Variants in CDK5RAP3 observed in about 807,000 individuals in gnomAD.
CDK5RAP3 encodes CDK5 regulatory subunit-associated protein 3.
Under a neutral mutation model 73.3 loss-of-function variants are expected in CDK5RAP3, and 58 were observed. The observed-to-expected ratio is 0.79, with a 90% CI of 0.64 to 0.98. CDK5RAP3 has a LOEUF of 0.98. CDK5RAP3 is among the 50% of genes least tolerant of loss of function. CDK5RAP3 has a pLI of 0.00. For missense variants in CDK5RAP3, 525 were observed against 615.8 expected, an observed-to-expected ratio of 0.85 and a Z score of 1.56; for synonymous variants, 224 against 247.5, an observed-to-expected ratio of 0.91 and a Z score of 0.89.
At chr17:47,975,794 A>G in intron 7 of CDK5RAP3, 75 bp from the exon 8 acceptor site, 1 of 1,603,612 alleles carries the variant, frequency 6.2e-7, no homozygotes, top group Non-Finnish European at 8.5e-7. Flanking sequence ...CCATTTGACC[A>G]TGTGGCCCAG....
chr17:47,971,781 CCAA>C (rs1249949699), intron 2 of CDK5RAP3, among the ~76,000 whole-genome samples: 7 of 151,944 alleles, frequency 4.6e-5, no homozygotes, highest in Non-Finnish European at 5.9e-5. Context: ...ACCAGCCTGA[CCAA>C]CATGGAGAAA....
Position 47,975,254 on chromosome 17 carries a change from A to T in CDK5RAP3, c.430A>T (p.Ser144Cys). 1 of 1,614,174 alleles carries T rather than the reference A, an allele frequency of 6.2e-7. No homozygotes were observed. The highest frequency in any genetic ancestry group is 8.5e-7 in the Non-Finnish European group (1 of 1,180,016). Residue 144 changes from serine (S) to cysteine (C), a missense_variant, in exon 6 of 14, where the codon AGC becomes TGC. Physicochemically the swap from Ser to Cys is moderately radical, Grantham distance 112. Around this residue, in one of 2 missense-constraint regions of CDK5RAP3, gnomAD observed 409 missense variants for 429.8 expected, o/e 0.95. Transcript: ENST00000338399. ...GTGCCAGCAGCTGCAGCAAGAATAC[A>T]GCCGCAAGGAGGAGGAGTGCCAGGC... ...AKCQQLQQEY[S>C]RKEEECQAGA...
upstream of CDK5RAP3, among the ~76,000 whole-genome samples, chr17:47,969,458 G>C (rs548485312): frequency 2.1e-4 from 32 of 150,536 alleles, no homozygotes; most frequent in East Asian, 6.3e-3. Context: ...TGGGGAGGCT[G>C]AGGCAGGAGA....
At position 47,981,763 on chromosome 17, in the gene CDK5RAP3, A is replaced by C. The variant is rs1397541757; in HGVS notation, c.*261A>C. 7.5e-6 allele frequency: 11 copies of C among 1,468,912 alleles called. No individual in the cohort carries two copies. The highest frequency in any genetic ancestry group is 1.4e-5 in the African/African-American group (1 of 71,574). The allele number at this position is 1,468,912 out of a possible 1,614,324, so 91.0% of individuals were successfully genotyped here. A position where few individuals can be genotyped will look rare whatever the true frequency, so the allele number is the denominator to read the frequency against. On this transcript the variant is annotated 3_prime_UTR_variant, in exon 14 of 14. Transcript: ENST00000338399. ...GTATAGCGGACTTAATAAAAGAGGA[A>C]AAAACTCTTGCTTCAGTACTGACAG...
Position 47,977,868 on chromosome 17 carries a change from G to A in CDK5RAP3, c.946G>A (p.Ala316Thr), listed in dbSNP as rs760654502. The A allele has an allele frequency of 6.2e-7, 1 of 1,614,112 alleles. No homozygotes were observed. The highest frequency in any genetic ancestry group is 1.7e-5 in the Admixed American group (1 of 60,022). Residue 316 changes from alanine (A) to threonine (T), a missense_variant, in exon 10 of 14, where the codon GCT (alanine) becomes ACT (threonine). Physicochemically the swap from Ala to Thr is moderately conservative, Grantham distance 58 (BLOSUM62 0). Coordinates refer to ENST00000338399, the MANE Select transcript of CDK5RAP3 (RefSeq NM_176096.3). ...TGATGGGATAGACTGGGGAGACGAT[G>A]CTGTTGCTTTGCAGATCACAGTGCT... ...GGDGIDWGDD[A>T]VALQITVLEA...
chr17:47,976,074 C>G, intron 8 of CDK5RAP3, 61 bp downstream of exon 8: 10 of 1,560,398 alleles, frequency 6.4e-6, no homozygotes, highest in Non-Finnish European at 8.7e-6. Context: ...CCCCTCCCCA[C>G]CCCCAACAGC....
chr17:47,975,724 T>C (rs902900471), intron 7 of CDK5RAP3, 71 bp downstream of exon 7: 5 of 1,565,288 alleles, frequency 3.2e-6, no homozygotes, highest in Non-Finnish European at 4.3e-6. Flanking sequence ...CCTTCTCCAG[T>C]TGTCTTGTTC....
chr17:47,973,877 A>G (rs141373483), intron 3 of CDK5RAP3, 54 bp from the exon 4 acceptor site: 1 of 1,415,758 alleles, frequency 7.1e-7, no homozygotes, highest in East Asian at 2.3e-5. Flanking sequence ...TGCAGTGCCC[A>G]GAGTAGGTGA....
chr17:47,981,529 C>T lies in CDK5RAP3; in HGVS notation c.*27C>T, dbSNP rs761798014. ...ACCCTCCGTGTTCTTGCCTGCCCAT[C>T]TTCTCCGCTTTTGGGATGAAGATGA... On this transcript the variant is annotated 3_prime_UTR_variant, in exon 14 of 14. Coordinates refer to ENST00000338399, the MANE Select transcript of CDK5RAP3 (RefSeq NM_176096.3). 7.4e-6 allele frequency: 12 copies of T among 1,614,098 alleles called. No individual in the cohort carries two copies. In the African/African-American group the frequency reaches 1.2e-4, roughly 16 times the overall value.
chr17:47,981,035 G>A (rs2036540493), intron 12 of CDK5RAP3, 128 bp from the exon 13 acceptor site: 5 of 1,073,274 alleles, frequency 4.7e-6, no homozygotes, highest in Non-Finnish European at 6.8e-6. Flanking sequence ...AAAGGAAAGG[G>A]TTTAAGGATG....
chr17:47,970,536 T>G, upstream of CDK5RAP3: 2 of 797,294 alleles, frequency 2.5e-6, no homozygotes, highest in East Asian at 2.7e-5. Context: ...TTAGACTCAA[T>G]GTAGGTGTTC....
At chr17:47,979,756 C>T (rs1392644679) in intron 11 of CDK5RAP3, 1 of 152,286 alleles carries the variant, frequency 6.6e-6, no homozygotes, top group African/African-American at 2.4e-5. Context: ...TCCCAGTAGC[C>T]TGCTGGTTCG....
At chr17:47,971,095 G>A, upstream of CDK5RAP3, 1 of 1,551,804 alleles carries the variant, frequency 6.4e-7, no homozygotes, top group Non-Finnish European at 8.7e-7. Flanking sequence ...CTGGATTGGT[G>A]GTAGGGCGGG....
At chr17:47,976,098 C>A in intron 8 of CDK5RAP3, 85 bp downstream of exon 8, 1 of 1,498,670 alleles carries the variant, frequency 6.7e-7, no homozygotes, top group Non-Finnish European at 9.0e-7. Flanking sequence ...ACCCAAGACC[C>A]AGAGAGAAGA....
At chr17:47,969,580 A>AAAAAAAAAAAAAAAAAAAAAAAAAAG (rs1567720961), upstream of CDK5RAP3, among the ~76,000 whole-genome samples, 18 of 131,308 alleles carry the variant, frequency 1.4e-4, no homozygotes, top group African/African-American at 5.0e-4. Context: ...AAAAAAAAAA[A>AAAAAAAAAAAAAAAAAAAAAAAAAAG]AAAAGAAAAG....
rs1227172258 is a variant in CDK5RAP3, at chr17:47,971,115, A to G, written c.-32A>G. Reference sequence around the variant, plus strand: ...TTGGTGGTAGGGCGGGGCGGGCCACAGTCTCCAGCCTGAAGCGGAAGTGGA... The same window carrying G: ...TTGGTGGTAGGGCGGGGCGGGCCACGGTCTCCAGCCTGAAGCGGAAGTGGA... On this transcript the variant is annotated 5_prime_UTR_variant, in exon 1 of 14. Transcript: ENST00000338399. The G allele has an allele frequency of 6.4e-7, 1 of 1,551,856 alleles. No homozygotes were observed. Among genetic ancestry groups the G allele is most frequent in the African/African-American group, 1.4e-5 (1 of 73,086 alleles).
At chr17:47,980,841 C>T in intron 12 of CDK5RAP3, 43 bp downstream of exon 12, 1 of 1,574,936 alleles carries the variant, frequency 6.3e-7, no homozygotes, top group African/African-American at 1.3e-5. Context: ...TCTTGAGCAG[C>T]TCTGCCTCCT....
chr17:47,975,732 T>C, intron 7 of CDK5RAP3, 79 bp downstream of exon 7: 1 of 1,566,824 alleles, frequency 6.4e-7, no homozygotes, highest in South Asian at 1.2e-5. Flanking sequence ...AGTTGTCTTG[T>C]TCCCATATAA....
chr17:47,979,153 A>G (rs572663120), intron 11 of CDK5RAP3: 64 of 503,650 alleles, frequency 1.3e-4, no homozygotes, highest in African/African-American at 1.1e-3. Context: ...TAAGACAGTC[A>G]AAGTCCTTGA....
Sources: allele counts gnomAD v4.1 joint callset (sites outside exome capture counted in the v4.1 genomes callset), GRCh38; gene constraint gnomAD v4.1.1; regional missense constraint gnomAD v4.1.1; transcripts MANE v1.5; gene names NCBI Gene and HGNC (gene_info 2026-07-23, HGNC 2026-07-21).